Variants in BCL2L13 observed in about 807,000 individuals in gnomAD.
The protein encoded by BCL2L13 is BCL2 like 13.
A neutral mutation model predicts 25.8 loss-of-function variants in BCL2L13; 13 were observed. That is an observed-to-expected ratio of 0.50 (90% confidence interval 0.33 to 0.80). BCL2L13 has a LOEUF of 0.80. Ranked by LOEUF, BCL2L13 falls within the 30% of genes least tolerant of loss-of-function variation. The probability of loss-of-function intolerance (pLI) is 0.02; values close to 1 mark genes in which losing one functional copy is unlikely to be tolerated. For synonymous variants in BCL2L13, 244 were observed against 230.3 expected, an observed-to-expected ratio of 1.06 and a Z score of -0.54; for missense variants, 504 against 574.9, an observed-to-expected ratio of 0.88 and a Z score of 1.26.
At chr22:17,669,422 G>A (rs542709739) in intron 2 of BCL2L13, among the ~76,000 whole-genome samples, 4 of 152,298 alleles carry the variant, frequency 2.6e-5, no homozygotes, top group African/African-American at 9.6e-5. Context: ...ATGGTGAAAA[G>A]GGGAAGCTCA....
intron 2 of BCL2L13, among the ~76,000 whole-genome samples, chr22:17,681,659 CAAAA>C (rs1429810045): frequency 6.6e-6 from 1 of 152,038 alleles, no homozygotes; most frequent in Admixed American, 6.6e-5. Flanking sequence ...CCTGAAATCT[CAAAA>C]AGCCCAAGAA....
intron 2 of BCL2L13, among the ~76,000 whole-genome samples, chr22:17,663,776 C>G (rs372326560): frequency 6.7e-6 from 1 of 148,598 alleles, no homozygotes; most frequent in Non-Finnish European, 1.5e-5. Context: ...AACCTCCACC[C>G]GCCTAGTTCA....
At chr22:17,636,261 T>A (rs954894019), upstream of BCL2L13, among the ~76,000 whole-genome samples, 1 of 150,826 alleles carries the variant, frequency 6.6e-6, no homozygotes, top group African/African-American at 2.4e-5. Flanking sequence ...GAGGCTGAGG[T>A]TGCAGTGAGC....
rs2061334735 is a variant in BCL2L13 at position 17,727,678 on chromosome 22, G to C, written c.*144G>C. The C allele has an allele frequency of 1.8e-6, 2 of 1,083,264 alleles. No homozygotes were observed. Among genetic ancestry groups the C allele is most frequent in the Admixed American group, 5.2e-5 (2 of 38,504 alleles). 67.1% of individuals were successfully genotyped at this position (1,083,264 alleles called of 1,614,324 possible). On this transcript the variant is annotated 3_prime_UTR_variant, in exon 7 of 7. Transcript: ENST00000317582. ...TGCTCAACATGGCAGTGGCATGTTA[G>C]GCATGTTAGGGCTTGAGGTGGGGCA...
intron 5 of BCL2L13, among the ~76,000 whole-genome samples, chr22:17,701,403 C>A (rs2535708): frequency 1.3e-5 from 2 of 152,010 alleles, no homozygotes; most frequent in Admixed American, 1.3e-4. Context: ...CAATTTCTTG[C>A]GTATTTTTCT....
chr22:17,727,007 GAGAA>G lies in BCL2L13; in HGVS notation c.936_939del (p.Glu313ArgfsTer51). ...CTCTAATTCTGACATTGTGCACGTG[GAGAA>G]AGAAGAGGTGCCCGAGGGCATGGAA... On this transcript the variant is annotated frameshift_variant, in exon 7 of 7. Coordinates refer to ENST00000317582, the MANE Select transcript of BCL2L13 (RefSeq NM_015367.4). LOFTEE classifies it low-confidence loss of function (END_TRUNC). The G allele has an allele frequency of 1.9e-6, 3 of 1,614,228 alleles. No homozygotes were observed. The highest frequency in any genetic ancestry group is 2.5e-6 in the Non-Finnish European group (3 of 1,180,046).
chr22:17,713,739 C>T (rs924661242), intron 6 of BCL2L13, among the ~76,000 whole-genome samples: 1 of 151,586 alleles, frequency 6.6e-6, no homozygotes, highest in Non-Finnish European at 1.5e-5. Flanking sequence ...GGATTACAGG[C>T]ATGAGCCACT....
chr22:17,703,984 GGTTT>G (rs1441791761), intron 6 of BCL2L13, among the ~76,000 whole-genome samples: 3 of 152,162 alleles, frequency 2.0e-5, no homozygotes, highest in Non-Finnish European at 4.4e-5. Flanking sequence ...AGTACATCAA[GGTTT>G]GTTTGGTGAT....
intron 5 of BCL2L13, among the ~76,000 whole-genome samples, chr22:17,697,648 A>G (rs2145681132): frequency 6.6e-6 from 1 of 152,256 alleles, no homozygotes; most frequent in Non-Finnish European, 1.5e-5. Flanking sequence ...AGCTCAGTAA[A>G]CAGCAGCTAT....
At chr22:17,722,232 G>T (rs765808372) in intron 6 of BCL2L13, among the ~76,000 whole-genome samples, 1 of 151,358 alleles carries the variant, frequency 6.6e-6, no homozygotes, top group African/African-American at 2.4e-5. Context: ...AATTGCCTCT[G>T]TTTTTTTTGG....
intron 1 of BCL2L13, among the ~76,000 whole-genome samples, chr22:17,641,840 C>T (rs1399895388): frequency 1.3e-5 from 2 of 149,888 alleles, no homozygotes; most frequent in Non-Finnish European, 3.0e-5. Flanking sequence ...CACTCTGTCG[C>T]CCAGGCTGGA....
chr22:17,640,896 A>ATT (rs375190704), intron 1 of BCL2L13, among the ~76,000 whole-genome samples: 1 of 35,812 alleles, frequency 2.8e-5, no homozygotes, highest in African/African-American at 1.6e-4. Flanking sequence ...ATATATATAT[A>ATT]TATTTTTTTT....
intron 1 of BCL2L13, among the ~76,000 whole-genome samples, chr22:17,651,148 C>T (rs564614631): frequency 8.6e-5 from 13 of 151,198 alleles, no homozygotes; most frequent in Middle Eastern, 3.4e-3. Context: ...TACAGGCATG[C>T]GCTACCATGC....
upstream of BCL2L13, among the ~76,000 whole-genome samples, chr22:17,636,565 G>A (rs990162467): frequency 6.6e-6 from 1 of 151,974 alleles, no homozygotes; most frequent in Non-Finnish European, 1.5e-5. Flanking sequence ...CGAGAGGGGT[G>A]ATCACCCAAG....
chr22:17,720,962 C>T (rs1037108368), intron 6 of BCL2L13, among the ~76,000 whole-genome samples: 3 of 151,872 alleles, frequency 2.0e-5, no homozygotes, highest in East Asian at 2.0e-4. Flanking sequence ...GTCAGGAGAT[C>T]GAGACCATCC....
intron 2 of BCL2L13, among the ~76,000 whole-genome samples, chr22:17,665,866 C>T (rs746081764): frequency 2.0e-5 from 3 of 151,962 alleles, no homozygotes; most frequent in East Asian, 1.9e-4. Context: ...GTTTGTTTAT[C>T]GAGTCACCTT....
chr22:17,656,335 CTTTTTTTTTTTTTTTTTTTTTTTTT>C (rs890631679), intron 2 of BCL2L13, among the ~76,000 whole-genome samples: 1 of 57,880 alleles, frequency 1.7e-5, no homozygotes, highest in Non-Finnish European at 2.7e-5. Context: ...TCATTTTATT[CTTTTTTTTTTTTTTTTTTTTTTTTT>C]TTTTTTTTGG....
chr22:17,649,963 C>T (rs2146459932), intron 1 of BCL2L13, among the ~76,000 whole-genome samples: 1 of 146,346 alleles, frequency 6.8e-6, no homozygotes, highest in Middle Eastern at 3.7e-3. Flanking sequence ...CTCCGCCTCC[C>T]TGCTCTGAGC....
At chr22:17,691,960 C>T (rs1223692480) in intron 4 of BCL2L13, among the ~76,000 whole-genome samples, 1 of 152,144 alleles carries the variant, frequency 6.6e-6, no homozygotes, top group African/African-American at 2.4e-5. Context: ...AAAGTCAGGT[C>T]TCTTTCTTTT....
Sources: gnomAD v4.1 joint callset for allele counts (sites outside exome capture counted in the v4.1 genomes callset) on GRCh38, gnomAD v4.1.1 for gene constraint, MANE v1.5 for transcripts, NCBI Gene and HGNC (gene_info 2026-07-23, HGNC 2026-07-21) for gene names.